Variants in MAP3K14 observed in about 807,000 individuals in gnomAD.
The protein encoded by MAP3K14 is mitogen-activated protein kinase kinase kinase 14, also known as NF-kappa-beta-inducing kinase.
MAP3K14 carries 16 observed loss-of-function variants against 99.2 expected under a neutral mutation model. The observed-to-expected ratio is 0.16, with a 90% CI of 0.11 to 0.24. MAP3K14 has a LOEUF of 0.24. Among genes scored for constraint, MAP3K14 ranks in the 10% least tolerant of loss-of-function variants. The pLI is 1.00. For missense variants in MAP3K14, 784 were observed against 1,208.7 expected, an observed-to-expected ratio of 0.65 and a Z score of 5.21; for synonymous variants, 462 against 492.4, an observed-to-expected ratio of 0.94 and a Z score of 0.82.
At chr17:45,290,389 G>A (rs2044300941) in intron 2 of MAP3K14, 101 bp downstream of exon 2, 2 of 1,408,826 alleles carry the variant, frequency 1.4e-6, no homozygotes, top group Non-Finnish European at 1.9e-6. Context: ...TTATCTAGCA[G>A]TGACACAGAC....
At chr17:45,308,893 C>G (rs981298695) in intron 1 of MAP3K14, among the ~76,000 whole-genome samples, 1 of 152,096 alleles carries the variant, frequency 6.6e-6, no homozygotes, top group Non-Finnish European at 1.5e-5. Context: ...TCTTGACCTC[C>G]TGGCCTCAAG....
chr17:45,274,346 G>C (rs1483649702), intron 7 of MAP3K14, 92 bp from the exon 8 acceptor site: 6 of 1,569,080 alleles, frequency 3.8e-6, no homozygotes. Context: ...TGGAAAGCAG[G>C]GTCACAGGGT....
intron 3 of MAP3K14, 51 bp from the exon 4 acceptor site, chr17:45,287,415 T>C (rs1339707112): frequency 1.4e-5 from 21 of 1,527,440 alleles, no homozygotes; most frequent in Non-Finnish European, 1.7e-5. Context: ...AGCAGGAAGA[T>C]GGACTGGTCC....
chr17:45,298,352 C>G (rs1243845993), intron 1 of MAP3K14, among the ~76,000 whole-genome samples: 1 of 151,960 alleles, frequency 6.6e-6, no homozygotes, highest in African/African-American at 2.4e-5. Context: ...AGAAATAAGG[C>G]AAAATATTAG....
Position 45,274,111 on chromosome 17 carries a change from C to T in MAP3K14, c.1552+12G>A, listed in dbSNP as rs961478160. ...CCTGCTGGGGATCAGGGCCGTGGGG[C>T]CTGGGCCTTACCTTTGACGTCCCCA... is the stretch of plus-strand genomic sequence containing the variant. On this transcript the variant is annotated intron_variant, in intron 8 of 15. Transcript: ENST00000344686. 1 of 1,609,514 alleles carries T rather than the reference C, an allele frequency of 6.2e-7. No homozygotes were observed. The highest frequency in any genetic ancestry group is 1.1e-5 in the South Asian group (1 of 90,080).
At chr17:45,281,296 A>G (rs2044220846) in intron 6 of MAP3K14, among the ~76,000 whole-genome samples, 1 of 151,146 alleles carries the variant, frequency 6.6e-6, no homozygotes, top group Admixed American at 6.6e-5. Flanking sequence ...GGTCTCTACA[A>G]AGAAGTGCTA....
intron 1 of MAP3K14, among the ~76,000 whole-genome samples, chr17:45,296,561 A>C (rs1439703862): frequency 6.6e-6 from 1 of 152,078 alleles, no homozygotes; most frequent in Non-Finnish European, 1.5e-5. Context: ...AAAAGAGGGA[A>C]CCAAGGGCAA....
chr17:45,315,618 C>T (rs768001608), intron 1 of MAP3K14, among the ~76,000 whole-genome samples: 1 of 152,178 alleles, frequency 6.6e-6, no homozygotes, highest in Admixed American at 6.5e-5. Flanking sequence ...TGTCCTCTCA[C>T]ATTAAGAGCA....
intron 1 of MAP3K14, among the ~76,000 whole-genome samples, chr17:45,297,217 G>A (rs1237874570): frequency 1.3e-5 from 2 of 152,180 alleles, no homozygotes; most frequent in African/African-American, 4.8e-5. Context: ...TTCCTTCCTA[G>A]AATAAAATCT....
Position 45,270,557 on chromosome 17 carries a change from T to C in MAP3K14, c.1828A>G (p.Ser610Gly). Reference protein sequence around the residue: ...FRGPLCLKIASEPPPVREIPP... With the variant: ...FRGPLCLKIAGEPPPVREIPP... ...ATCTCCCTCACAGGCGGAGGCTCGC[T>C]GGCAATCTGGGGGGCAAAAGACAAC... is the stretch of plus-strand genomic sequence containing the variant. The change falls in exon 11 of 16, where the codon AGC becomes GGC. Residue 610 changes from serine to glycine, a missense_variant. Around this residue, in one of 5 missense-constraint regions of MAP3K14, gnomAD observed 200 missense variants for 367.9 expected, o/e 0.54. Coordinates refer to ENST00000344686, the MANE Select transcript of MAP3K14 (RefSeq NM_003954.5). 1 of 1,551,240 alleles carries C rather than the reference T, an allele frequency of 6.4e-7. No homozygotes were observed. The highest frequency in any genetic ancestry group is 2.0e-5 in the Admixed American group (1 of 49,038).
At chr17:45,273,168 C>G (rs1336766641) in intron 9 of MAP3K14, among the ~76,000 whole-genome samples, 1 of 152,178 alleles carries the variant, frequency 6.6e-6, no homozygotes, top group African/African-American at 2.4e-5. Flanking sequence ...CGCAGGAGAG[C>G]TGGGGTCACA....
Position 45,267,741 on chromosome 17 carries a change from G to A in MAP3K14, c.1991C>T (p.Pro664Leu), listed in dbSNP as rs1003435070. The A allele has an allele frequency of 7.4e-6, 12 of 1,611,186 alleles. No homozygotes were observed. The highest frequency in any genetic ancestry group is 9.3e-6 in the Non-Finnish European group (11 of 1,179,714). Residue 664 changes from proline (P) to leucine (L), a missense_variant, in exon 12 of 16, where the codon CCT becomes CTT. Physicochemically the swap from Pro to Leu is moderately conservative, Grantham distance 98 (BLOSUM62 -3). Around this residue, in one of 5 missense-constraint regions of MAP3K14, gnomAD observed 128 missense variants for 143.3 expected, o/e 0.89. Transcript: ENST00000344686. This position sits in a 1 kb window ranked among gnomAD's most constrained non-coding sequence, Gnocchi z 5.1. ...ALQQVGGLKS[P>L]WRGEYKEPRH... ...TGGTTCTTTATATTCTCCCCTCCAA[G>A]GGCTCTTCAGACCTCCCACTAGAAA...
intron 1 of MAP3K14, among the ~76,000 whole-genome samples, chr17:45,308,135 C>T (rs2044444160): frequency 6.6e-6 from 1 of 152,222 alleles, no homozygotes; most frequent in South Asian, 2.1e-4. Flanking sequence ...ATGAAACAGC[C>T]CACGGCTCTC....
intron 5 of MAP3K14, 67 bp from the exon 6 acceptor site, chr17:45,285,016 T>C: frequency 6.7e-7 from 1 of 1,492,436 alleles, no homozygotes; most frequent in East Asian, 2.5e-5. Flanking sequence ...AGGGCTACAG[T>C]GAGGAAGACT....
chr17:45,266,284 AC>A (rs2044081257), intron 14 of MAP3K14: 2 of 404,186 alleles, frequency 4.9e-6, no homozygotes, highest in Admixed American at 7.9e-5. Context: ...AGCTAGGGGA[AC>A]CTTCTGGGAC....
chr17:45,264,366 C>A lies in MAP3K14; in HGVS notation c.*270G>T. 6.8e-6 allele frequency: 3 copies of A among 440,778 alleles called. No homozygotes were observed. Among genetic ancestry groups the A allele is most frequent in the South Asian group, 3.0e-5 (1 of 33,124 alleles). 27.3% of individuals were successfully genotyped at this position (440,778 alleles called of 1,614,324 possible). A position where few individuals can be genotyped will look rare whatever the true frequency, so the allele number is the denominator to read the frequency against. On this transcript the variant is annotated 3_prime_UTR_variant, in exon 16 of 16. Transcript: ENST00000344686. ...TCGACTGGAGCAGGGCAGAGAAGAT[C>A]CTGTTTGTTTCCCGAGGTAACTCCT...
intron 13 of MAP3K14, 113 bp downstream of exon 13, chr17:45,266,979 C>T (rs2044091378): frequency 6.1e-6 from 5 of 825,192 alleles, no homozygotes; most frequent in Non-Finnish European, 9.8e-6. Context: ...CTCCCTTTAC[C>T]CACTACTTGC....
intron 1 of MAP3K14, among the ~76,000 whole-genome samples, chr17:45,308,884 C>T (rs577796103): frequency 4.4e-4 from 67 of 152,138 alleles, no homozygotes; most frequent in Non-Finnish European, 6.2e-4. Context: ...CCAGGCTGGT[C>T]TTGACCTCCT....
intron 5 of MAP3K14, among the ~76,000 whole-genome samples, chr17:45,285,181 C>A (rs1478974337): frequency 2.0e-5 from 3 of 152,098 alleles, no homozygotes; most frequent in Non-Finnish European, 4.4e-5. Flanking sequence ...GGCCACTGAT[C>A]CTTGTGATGA....
Sources: allele counts gnomAD v4.1 joint callset (sites outside exome capture counted in the v4.1 genomes callset), GRCh38; gene constraint gnomAD v4.1.1; regional missense constraint gnomAD v4.1.1; non-coding constraint Gnocchi (gnomAD v3.1); transcripts MANE v1.5; gene names NCBI Gene and HGNC (gene_info 2026-07-23, HGNC 2026-07-21).